SUCO: variants seen among roughly 807,000 people sequenced by gnomAD.
SUCO encodes the protein SUN domain-containing ossification factor.
In SUCO, 57 loss-of-function variants were observed where a neutral mutation model predicts 148.1. The ratio of observed to expected loss-of-function variants is 0.38; its 90% CI spans 0.31 to 0.48. The LOEUF is 0.48. Among genes scored for constraint, SUCO ranks in the 20% least tolerant of loss-of-function variants. The probability of loss-of-function intolerance (pLI) is 0.96; values close to 1 mark genes in which losing one functional copy is unlikely to be tolerated. For synonymous variants in SUCO, 470 were observed against 502.7 expected, an observed-to-expected ratio of 0.93 and a Z score of 0.87; for missense variants, 1,331 against 1,468.2, an observed-to-expected ratio of 0.91 and a Z score of 1.53.
intron 15 of SUCO, among the ~76,000 whole-genome samples, chr1:172,580,807 A>C (rs981165122): frequency 6.6e-6 from 1 of 152,128 alleles, no homozygotes; most frequent in Non-Finnish European, 1.5e-5. Flanking sequence ...GATGCCATTA[A>C]AACCTAACCA....
At chr1:172,565,383 T>C (rs1325940019) in intron 6 of SUCO, among the ~76,000 whole-genome samples, 1 of 152,106 alleles carries the variant, frequency 6.6e-6, no homozygotes, top group Non-Finnish European at 1.5e-5. Flanking sequence ...GTTAGGAAAA[T>C]AATACTTCTA....
At position 172,600,696 on chromosome 1, in the gene SUCO, A is replaced by ATGTG. The variant is rs61681764; in HGVS notation, c.3018+560_3018+563dup. On this transcript the variant is annotated intron_variant, in intron 20 of 23. Transcript: ENST00000263688. ...TGATACGTACTATGAAGAAAATTAAATGTGTGTGTGTGTGTGTGTGTGTGT... is the reference window on the plus strand; with the variant it reads ...TGATACGTACTATGAAGAAAATTAAATGTGTGTGTGTGTGTGTGTGTGTGTGTGT... Among the ~76,000 whole-genome samples the ATGTG allele has an allele frequency of 1.9e-3, 287 of 149,068 alleles. 1 individual carries two copies. The highest frequency in any genetic ancestry group is 0.011 in the East Asian group (57 of 5,006).
chr1:172,548,430 C>G (rs1653029852), intron 1 of SUCO, among the ~76,000 whole-genome samples: 1 of 151,732 alleles, frequency 6.6e-6, no homozygotes, highest in Non-Finnish European at 1.5e-5. Context: ...AATGCCTATC[C>G]ATATATCCTT....
chr1:172,556,232 A>G (rs1320822142), intron 4 of SUCO, among the ~76,000 whole-genome samples: 1 of 152,196 alleles, frequency 6.6e-6, no homozygotes, highest in South Asian at 2.1e-4. Flanking sequence ...TTATTTAGCT[A>G]ACTAACTCAA....
intron 19 of SUCO, among the ~76,000 whole-genome samples, chr1:172,598,937 C>A (rs972088906): frequency 6.6e-6 from 1 of 151,932 alleles, no homozygotes; most frequent in Non-Finnish European, 1.5e-5. Flanking sequence ...GTTTTATACA[C>A]CCCCCCTCTC....
chr1:172,583,629 TATG>T (rs1056341056), intron 15 of SUCO, among the ~76,000 whole-genome samples: 1 of 152,142 alleles, frequency 6.6e-6, no homozygotes, highest in Non-Finnish European at 1.5e-5. Flanking sequence ...TCATTGAAAA[TATG>T]ATGAATACTC....
intron 8 of SUCO, 70 bp from the exon 9 acceptor site, chr1:172,570,593 T>TA: frequency 9.2e-7 from 1 of 1,090,190 alleles, no homozygotes; most frequent in Non-Finnish European, 1.4e-6. Context: ...CCAGAAAACT[T>TA]TAAAGTTAAA....
rs1655536094 is a variant in SUCO, at chr1:172,577,524, T to C, written c.1264-15T>C. 6.2e-7 allele frequency: 1 copy of C among 1,608,652 alleles called. No individual in the cohort carries two copies. The highest frequency in any genetic ancestry group is 2.2e-5 in the East Asian group (1 of 44,704). On this transcript the variant is annotated splice_polypyrimidine_tract_variant and intron_variant, in intron 11 of 23. Coordinates refer to ENST00000263688, the MANE Select transcript of SUCO (RefSeq NM_014283.5). ...TGGAACTGATTTCTTTTTCTTTTCC[T>C]TTCTCTTGCTTCAGATGTTCATCAA...
chr1:172,560,080 G>A (rs932588263), intron 6 of SUCO, among the ~76,000 whole-genome samples: 11 of 152,196 alleles, frequency 7.2e-5, no homozygotes, highest in Non-Finnish European at 1.2e-4. Context: ...GAAAATCTTT[G>A]GATAACTGAT....
intron 3 of SUCO, among the ~76,000 whole-genome samples, chr1:172,554,610 G>A (rs534503789): frequency 1.7e-4 from 26 of 152,032 alleles, no homozygotes; most frequent in South Asian, 1.5e-3. Context: ...GGTGGTGCAC[G>A]CCTATAGTCT....
intron 17 of SUCO, among the ~76,000 whole-genome samples, chr1:172,587,517 A>G (rs942022507): frequency 6.6e-6 from 1 of 152,110 alleles, no homozygotes; most frequent in African/African-American, 2.4e-5. Context: ...TTACTGTCAT[A>G]AATTATTTGG....
rs977688919 is a variant in SUCO, at chr1:172,533,342, C to T, written c.-94C>T. On this transcript the variant is annotated 5_prime_UTR_variant, in exon 1 of 24. Transcript: ENST00000263688. ...CCCTTAGGACTATCGGTCACATTCTCGCGCTCCTGCTCCGGCTCCTCCATC... is the reference window on the plus strand; with the variant it reads ...CCCTTAGGACTATCGGTCACATTCTTGCGCTCCTGCTCCGGCTCCTCCATC... The T allele has an allele frequency of 3.9e-6, 6 of 1,551,422 alleles. No individual in the cohort carries two copies. The African/African-American group carries it at 4.1e-5, about 11-fold the overall frequency.
At position 172,551,636 on chromosome 1, in the gene SUCO, A is replaced by G; in HGVS notation, c.177+10A>G. Reference sequence around the variant, plus strand: ...ACAATTCCAGAAAAAGGTGCCTTAAATAAAGTTAACATTATAATTTGTGTG... The same window carrying G: ...ACAATTCCAGAAAAAGGTGCCTTAAGTAAAGTTAACATTATAATTTGTGTG... On this transcript the variant is annotated intron_variant, in intron 2 of 23. Coordinates refer to ENST00000263688, the MANE Select transcript of SUCO (RefSeq NM_014283.5). The G allele has an allele frequency of 1.3e-6, 2 of 1,532,624 alleles. No individual in the cohort carries two copies. The highest frequency in any genetic ancestry group is 1.8e-6 in the Non-Finnish European group (2 of 1,111,750). The allele number at this position is 1,532,624 out of a possible 1,614,324, so 94.9% of individuals were successfully genotyped here.
At chr1:172,580,267 G>A (rs1655788971) in intron 15 of SUCO, among the ~76,000 whole-genome samples, 1 of 151,988 alleles carries the variant, frequency 6.6e-6, no homozygotes, top group South Asian at 2.1e-4. Context: ...TTAGGGGATG[G>A]GAAAAAGAGT....
chr1:172,608,783 A>G lies in SUCO; in HGVS notation c.3302A>G (p.Lys1101Arg), dbSNP rs1176025796. Reference protein sequence around the residue: ...PNDLYIVEPLKFSPEKKKKRC... With the variant: ...PNDLYIVEPLRFSPEKKKKRC... ...GATTTGTACATTGTAGAACCCCTCAAGTTTTCTCCAGAAAAGAAGGTAATT... is the reference window on the plus strand; with the variant it reads ...GATTTGTACATTGTAGAACCCCTCAGGTTTTCTCCAGAAAAGAAGGTAATT... Residue 1101 changes from lysine to arginine, a missense_variant, in exon 23 of 24, where the codon AAG becomes AGG. Around this residue, in one of 3 missense-constraint regions of SUCO, gnomAD observed 334 missense variants for 352.3 expected, o/e 0.95. Transcript: ENST00000263688. 1.9e-6 allele frequency: 3 copies of G among 1,581,872 alleles called. No individual in the cohort carries two copies. The highest frequency in any genetic ancestry group is 1.4e-5 in the African/African-American group (1 of 73,404).
At chr1:172,585,971 A>G in intron 17 of SUCO, 23 bp downstream of exon 17, 1 of 1,487,704 alleles carries the variant, frequency 6.7e-7, no homozygotes, top group Non-Finnish European at 9.2e-7. Flanking sequence ...GTGATATTAA[A>G]TAGAATTTTG....
chr1:172,599,581 A>T (rs1657364728), intron 19 of SUCO: 2 of 188,714 alleles, frequency 1.1e-5, no homozygotes, highest in South Asian at 3.6e-4. Flanking sequence ...TTCACTATGT[A>T]CCATCCTAAG....
chr1:172,542,506 A>T (rs184556612), intron 1 of SUCO, among the ~76,000 whole-genome samples: 2 of 152,320 alleles, frequency 1.3e-5, no homozygotes, highest in East Asian at 3.9e-4. Context: ...GGAGGTGAAC[A>T]GCAGGTGAGT....
At chr1:172,558,968 TA>T (rs1653943190) in intron 6 of SUCO, among the ~76,000 whole-genome samples, 1 of 152,210 alleles carries the variant, frequency 6.6e-6, no homozygotes, top group Non-Finnish European at 1.5e-5. Context: ...TTAACTGTAT[TA>T]ATTACTTTCT....
Sources: allele counts gnomAD v4.1 joint callset (sites outside exome capture counted in the v4.1 genomes callset), GRCh38; gene constraint gnomAD v4.1.1; regional missense constraint gnomAD v4.1.1; transcripts MANE v1.5; gene names NCBI Gene and HGNC (gene_info 2026-07-23, HGNC 2026-07-21).